HLCS: variants seen among roughly 807,000 people sequenced by gnomAD.
HLCS encodes the protein holocarboxylase synthetase.
HLCS carries 53 observed loss-of-function variants against 75.0 expected under a neutral mutation model. The observed-to-expected ratio is 0.71, with a 90% CI of 0.57 to 0.89. HLCS has a LOEUF of 0.89. Ranked by LOEUF, HLCS falls within the 40% of genes least tolerant of loss-of-function variation. The pLI, the probability that HLCS is intolerant of heterozygous loss-of-function variation, is 0.00. For missense variants in HLCS, 966 were observed against 1,074.0 expected, an observed-to-expected ratio of 0.90 and a Z score of 1.41; for synonymous variants, 431 against 428.6, an observed-to-expected ratio of 1.01 and a Z score of -0.07.
chr21:36,758,352 C>T (rs960923286), intron 9 of HLCS, among the ~76,000 whole-genome samples: 1 of 152,160 alleles, frequency 6.6e-6, no homozygotes, highest in Non-Finnish European at 1.5e-5. Flanking sequence ...AAGCAATCCA[C>T]CCACCTCAGG....
At chr21:36,945,732 A>C (rs2067360712) in intron 2 of HLCS, among the ~76,000 whole-genome samples, 1 of 152,242 alleles carries the variant, frequency 6.6e-6, no homozygotes, top group South Asian at 2.1e-4. Flanking sequence ...AGAATTAGAT[A>C]ATGCTAATGA....
At chr21:36,960,098 C>G (rs2146655214) in intron 2 of HLCS, among the ~76,000 whole-genome samples, 1 of 150,722 alleles carries the variant, frequency 6.6e-6, no homozygotes, top group Non-Finnish European at 1.5e-5. Flanking sequence ...TTCAGTACAC[C>G]TGGTCCAGCC....
chr21:36,951,027 T>C lies in HLCS; in HGVS notation c.330+11009A>G, dbSNP rs186297990. Among the ~76,000 whole-genome samples the C allele has an allele frequency of 1.2e-3, 176 of 152,324 alleles. 3 individuals are homozygous for C. Among genetic ancestry groups the C allele is most frequent in the Admixed American group, 2.8e-3 (43 of 15,300 alleles). The stretch of plus-strand genomic sequence containing the variant: ...AACATTGCATGGCCCAGGATTCAGG[T>C]TGTGCTGCTTCCATTCCATAGGCAC... On this transcript the variant is annotated intron_variant, in intron 2 of 10. Transcript: ENST00000674895.
intron 6 of HLCS, among the ~76,000 whole-genome samples, chr21:36,864,786 AC>A (rs1400067421): frequency 4.3e-4 from 65 of 152,192 alleles, no homozygotes; most frequent in Non-Finnish European, 4.4e-5. Context: ...CTAGAATAAG[AC>A]AAGGTTAACA....
chr21:36,924,457 G>A (rs1230860495), intron 5 of HLCS, among the ~76,000 whole-genome samples: 1 of 152,176 alleles, frequency 6.6e-6, no homozygotes, highest in African/African-American at 2.4e-5. Flanking sequence ...CTACTTGGGA[G>A]GCTGAGGCAG....
chr21:36,765,313 G>A, intron 7 of HLCS, 141 bp from the exon 8 acceptor site: 1 of 872,922 alleles, frequency 1.1e-6, no homozygotes, highest in Non-Finnish European at 1.9e-6. Context: ...TATATTCTGG[G>A]CTTAATAAAA....
At chr21:36,976,671 G>A (rs1308962845) in intron 1 of HLCS, among the ~76,000 whole-genome samples, 1 of 152,156 alleles carries the variant, frequency 6.6e-6, no homozygotes, top group Non-Finnish European at 1.5e-5. Context: ...ATTAGAGGAA[G>A]CTGGGTGAAG....
At chr21:36,840,708 G>C (rs559187489) in intron 6 of HLCS, among the ~76,000 whole-genome samples, 1 of 152,168 alleles carries the variant, frequency 6.6e-6, no homozygotes, top group South Asian at 2.1e-4. Context: ...CGCCTCCCAG[G>C]TTCAAGAGAT....
chr21:36,880,719 A>G (rs992541959), intron 6 of HLCS, among the ~76,000 whole-genome samples: 2 of 152,198 alleles, frequency 1.3e-5, no homozygotes, highest in African/African-American at 4.8e-5. Context: ...GGCAGGTTCT[A>G]TACTATGTTA....
In HLCS at chr21:36,932,504, G is replaced by A. The variant is rs117323899; in HGVS notation, c.1438-2071C>T. On this transcript the variant is annotated intron_variant, in intron 4 of 10. Transcript: ENST00000674895. ...TCACCTAGTTACTTCAGGCTTTGTT[G>A]TCTAGTTAAAATTAAAATATCTCCA... Among the ~76,000 whole-genome samples the A allele has an allele frequency of 8.5e-5, 13 of 152,234 alleles. No individual in the cohort carries two copies. The East Asian group carries it at 2.5e-3, about 29-fold the overall frequency.
At chr21:36,814,499 G>C (rs953185032) in intron 6 of HLCS, among the ~76,000 whole-genome samples, 3 of 152,176 alleles carry the variant, frequency 2.0e-5, no homozygotes, top group Admixed American at 2.0e-4. Flanking sequence ...AAAATGAACA[G>C]GGCATCCCGG....
intron 2 of HLCS, among the ~76,000 whole-genome samples, chr21:36,953,905 TA>T (rs1406891872): frequency 6.6e-6 from 1 of 151,840 alleles, no homozygotes; most frequent in South Asian, 2.1e-4. Context: ...ACAATGGAGG[TA>T]AAAAATTCCC....
intron 2 of HLCS, among the ~76,000 whole-genome samples, chr21:36,955,468 T>G (rs2067889924): frequency 6.6e-6 from 1 of 151,988 alleles, no homozygotes; most frequent in Non-Finnish European, 1.5e-5. Flanking sequence ...AGAATAAAAT[T>G]TTAAAAACAA....
At chr21:36,775,855 T>C (rs8127710) in intron 6 of HLCS, among the ~76,000 whole-genome samples, 152,356 of 152,360 alleles carry the variant, frequency 1, 76,176 homozygotes, top group Middle Eastern at 1. Flanking sequence ...AGCAAGCAGA[T>C]GTCTGCGAAC....
intron 2 of HLCS, among the ~76,000 whole-genome samples, chr21:36,950,413 A>T (rs2067616125): frequency 6.6e-6 from 1 of 152,174 alleles, no homozygotes; most frequent in Non-Finnish European, 1.5e-5. Context: ...AACATAGATA[A>T]AAAGGACAAA....
At chr21:36,787,183 G>A (rs2060713630) in intron 6 of HLCS, among the ~76,000 whole-genome samples, 2 of 152,388 alleles carry the variant, frequency 1.3e-5, no homozygotes, top group Middle Eastern at 3.4e-3. Flanking sequence ...GTGGGTGTCG[G>A]TGTGCCTCAG....
upstream of HLCS, among the ~76,000 whole-genome samples, chr21:36,967,156 C>A (rs2068644330): frequency 6.6e-6 from 1 of 152,092 alleles, no homozygotes; most frequent in Admixed American, 6.5e-5. Context: ...CTGCCAAGGC[C>A]AACCTTTACT....
chr21:36,932,883 C>T (rs575277400), intron 4 of HLCS, among the ~76,000 whole-genome samples: 10 of 152,076 alleles, frequency 6.6e-5, no homozygotes, highest in East Asian at 1.9e-4. Flanking sequence ...TTTGGCAGGC[C>T]GAGGCGGGAG....
chr21:36,936,894 G>A lies in HLCS; in HGVS notation c.992C>T (p.Ser331Phe). ...EALGRFHEVR[S>F]VLADCVDIDS... ...AATGTCCACACAGTCGGCCAGCACA[G>A]ACCGGACCTCGTGGAACCGGCCGAG... Residue 331 changes from serine to phenylalanine, a missense_variant, in exon 4 of 11, where the codon TCT becomes TTT. Coordinates refer to ENST00000674895, the MANE Select transcript of HLCS (RefSeq NM_001352514.2). The A allele has an allele frequency of 6.2e-7, 1 of 1,614,188 alleles. No homozygotes were observed. The highest frequency in any genetic ancestry group is 8.5e-7 in the Non-Finnish European group (1 of 1,180,042).
Sources: gnomAD v4.1 joint callset for allele counts (sites outside exome capture counted in the v4.1 genomes callset) on GRCh38, gnomAD v4.1.1 for gene constraint, MANE v1.5 for transcripts, NCBI Gene and HGNC (gene_info 2026-07-23, HGNC 2026-07-21) for gene names.